UNC5C: variants seen among roughly 807,000 people sequenced by gnomAD.
The protein encoded by UNC5C is unc-5 netrin receptor C, also known as netrin receptor UNC5C.
In UNC5C, 47 loss-of-function variants were observed where a neutral mutation model predicts 99.8. That is an observed-to-expected ratio of 0.47 (90% CI 0.37 to 0.60). The LOEUF is 0.60. Ranked by LOEUF, UNC5C falls within the 20% of genes least tolerant of loss-of-function variation. The pLI is 0.00. For missense variants in UNC5C, 1,062 were observed against 1,165.9 expected, an observed-to-expected ratio of 0.91 and a Z score of 1.30; for synonymous variants, 487 against 452.2, an observed-to-expected ratio of 1.08 and a Z score of -0.98.
At chr4:95,256,534 G>A (rs974797593) in intron 4 of UNC5C, among the ~76,000 whole-genome samples, 3 of 151,676 alleles carry the variant, frequency 2.0e-5, no homozygotes, top group South Asian at 4.2e-4. Context: ...AGTCACTATC[G>A]TTTCCTTCCT....
At chr4:95,540,053 A>G (rs2149495697) in intron 1 of UNC5C, among the ~76,000 whole-genome samples, 1 of 152,254 alleles carries the variant, frequency 6.6e-6, no homozygotes, top group South Asian at 2.1e-4. Flanking sequence ...ACAATTCTTA[A>G]CGGAGTAGCT....
intron 1 of UNC5C, among the ~76,000 whole-genome samples, chr4:95,433,904 G>A (rs1420981707): frequency 6.6e-6 from 1 of 151,942 alleles, no homozygotes; most frequent in African/African-American, 2.4e-5. Context: ...AGCTCTTGAT[G>A]CCTTCACAGC....
chr4:95,290,343 GTT>G (rs36036934), intron 3 of UNC5C, among the ~76,000 whole-genome samples: 18,634 of 148,096 alleles, frequency 0.13, 3,241 homozygotes, highest in African/African-American at 0.39. Flanking sequence ...GTTTGGTGGT[GTT>G]TTTTTTTTTT....
At chr4:95,539,251 G>A (rs185426983) in intron 1 of UNC5C, among the ~76,000 whole-genome samples, 21 of 152,268 alleles carry the variant, frequency 1.4e-4, no homozygotes, top group African/African-American at 4.3e-4. Flanking sequence ...ATAGTCCACC[G>A]TGTAGGAAAA....
intron 1 of UNC5C, among the ~76,000 whole-genome samples, chr4:95,410,009 T>C (rs1745932883): frequency 6.6e-6 from 1 of 152,158 alleles, no homozygotes; most frequent in Admixed American, 6.5e-5. Flanking sequence ...TACCCTCTTA[T>C]AGTAGATGAT....
intron 1 of UNC5C, among the ~76,000 whole-genome samples, chr4:95,433,048 C>A (rs1355792245): frequency 6.6e-6 from 1 of 152,060 alleles, no homozygotes; most frequent in African/African-American, 2.4e-5. Flanking sequence ...AAAGTAGAAT[C>A]TTCTGCTGAG....
intron 1 of UNC5C, among the ~76,000 whole-genome samples, chr4:95,414,623 G>A (rs1262776311): frequency 6.6e-6 from 1 of 152,196 alleles, no homozygotes; most frequent in Non-Finnish European, 1.5e-5. Context: ...TGAACACTTC[G>A]TGATGTCAGC....
At chr4:95,240,285 ATAT>A (rs1739282220) in intron 7 of UNC5C, among the ~76,000 whole-genome samples, 1 of 152,170 alleles carries the variant, frequency 6.6e-6, no homozygotes, top group Non-Finnish European at 1.5e-5. Flanking sequence ...TGGCCAAACA[ATAT>A]TATTTTTTTA....
chr4:95,316,805 T>TAAAAA (rs1211216246), intron 2 of UNC5C, among the ~76,000 whole-genome samples: 1 of 152,156 alleles, frequency 6.6e-6, no homozygotes, highest in Admixed American at 6.6e-5. Flanking sequence ...CCTCAAAGTT[T>TAAAAA]CTTGGTATTC....
chr4:95,169,432 G>T, intron 15 of UNC5C, 33 bp from the exon 16 acceptor site: 3 of 1,607,610 alleles, frequency 1.9e-6, no homozygotes, highest in Non-Finnish European at 2.6e-6. Flanking sequence ...GTGCTCAACA[G>T]TGTGACTTAC....
At chr4:95,232,271 A>G (rs1274738250) in intron 7 of UNC5C, among the ~76,000 whole-genome samples, 1 of 150,264 alleles carries the variant, frequency 6.7e-6, no homozygotes, top group African/African-American at 2.4e-5. Context: ...ATATTATAAA[A>G]CATATTATAT....
intron 1 of UNC5C, among the ~76,000 whole-genome samples, chr4:95,429,045 T>G (rs1746559784): frequency 6.6e-6 from 1 of 151,978 alleles, no homozygotes; most frequent in African/African-American, 2.4e-5. Context: ...GCTCTGTTTG[T>G]TTAAGGAGGG....
At chr4:95,518,868 C>T (rs72876481) in intron 1 of UNC5C, among the ~76,000 whole-genome samples, 3 of 152,144 alleles carry the variant, frequency 2.0e-5, no homozygotes, top group African/African-American at 7.2e-5. Flanking sequence ...GTGAGAAATA[C>T]GTTGACTTGG....
chr4:95,442,442 A>C (rs1329337575), intron 1 of UNC5C, among the ~76,000 whole-genome samples: 2 of 145,836 alleles, frequency 1.4e-5, no homozygotes, highest in Non-Finnish European at 3.0e-5. Context: ...TCCTGGTCTC[A>C]AGCGATCTTC....
At chr4:95,222,589 G>C (rs1477338304) in intron 7 of UNC5C, among the ~76,000 whole-genome samples, 1 of 152,046 alleles carries the variant, frequency 6.6e-6, no homozygotes, top group Non-Finnish European at 1.5e-5. Flanking sequence ...TTAGCATAAG[G>C]AAAATCTTTT....
At chr4:95,356,205 AAAAAAAACAAAAC>A (rs1254735359) in intron 1 of UNC5C, among the ~76,000 whole-genome samples, 6 of 140,062 alleles carry the variant, frequency 4.3e-5, no homozygotes, top group African/African-American at 1.1e-4. Context: ...AAAAAAAAAA[AAAAAAAACAAAAC>A]AAAAAAAAAA....
intron 4 of UNC5C, among the ~76,000 whole-genome samples, chr4:95,270,589 G>T (rs1740621969): frequency 6.6e-6 from 1 of 152,188 alleles, no homozygotes; most frequent in South Asian, 2.1e-4. Context: ...GCTTTTGAGG[G>T]TTGAACATAC....
chr4:95,474,341 A>G (rs1465728992), intron 1 of UNC5C, among the ~76,000 whole-genome samples: 1 of 152,066 alleles, frequency 6.6e-6, no homozygotes, highest in Non-Finnish European at 1.5e-5. Context: ...CACAGGCTGG[A>G]GTACAGTGGT....
intron 1 of UNC5C, among the ~76,000 whole-genome samples, chr4:95,452,537 T>C (rs984124825): frequency 1.3e-5 from 2 of 152,098 alleles, no homozygotes; most frequent in African/African-American, 4.8e-5. Context: ...CCATACAAGA[T>C]AATGTGACGT....
Sources: gnomAD v4.1 joint callset for allele counts (sites outside exome capture counted in the v4.1 genomes callset) on GRCh38, gnomAD v4.1.1 for gene constraint, MANE v1.5 for transcripts, NCBI Gene and HGNC (gene_info 2026-07-23, HGNC 2026-07-21) for gene names.